The following LRFN5 variants were observed in gnomAD, a reference collection of about 807,000 sequenced individuals.
LRFN5 encodes the protein leucine rich repeat and fibronectin type III domain containing 5, also known as leucine-rich repeat and fibronectin type-III domain-containing protein 5.
A neutral mutation model predicts 45.6 loss-of-function variants in LRFN5; 24 were observed. The ratio of observed to expected loss-of-function variants is 0.53; its 90% confidence interval spans 0.38 to 0.74. The LOEUF is 0.74. Ranked by LOEUF, LRFN5 falls within the 30% of genes least tolerant of loss-of-function variation. LRFN5 has a pLI of 0.00. For synonymous variants in LRFN5, 340 were observed against 313.8 expected, an observed-to-expected ratio of 1.08 and a Z score of -0.88; for missense variants, 776 against 861.5, an observed-to-expected ratio of 0.90 and a Z score of 1.24.
intron 1 of LRFN5, among the ~76,000 whole-genome samples, chr14:41,631,167 G>A (rs1308260292): frequency 1.3e-5 from 2 of 152,122 alleles, no homozygotes; most frequent in Non-Finnish European, 2.9e-5. Flanking sequence ...ATATAATCCA[G>A]CTCTAATCTC....
intron 2 of LRFN5, among the ~76,000 whole-genome samples, chr14:41,818,098 A>G (rs1887982867): frequency 6.6e-6 from 1 of 152,074 alleles, no homozygotes; most frequent in South Asian, 2.1e-4. Context: ...TTAAATTATT[A>G]CTTATATACT....
intron 1 of LRFN5, among the ~76,000 whole-genome samples, chr14:41,698,498 G>A (rs1018366849): frequency 2.0e-5 from 3 of 151,732 alleles, no homozygotes; most frequent in Non-Finnish European, 2.9e-5. Flanking sequence ...CATTGCCTGG[G>A]CCATACCCTA....
intron 1 of LRFN5, among the ~76,000 whole-genome samples, chr14:41,678,090 A>G (rs1881717144): frequency 6.6e-6 from 1 of 152,076 alleles, no homozygotes; most frequent in South Asian, 2.1e-4. Flanking sequence ...GTGAAAAGAG[A>G]AAGGATGGAA....
chr14:41,884,256 T>G (rs1173776994), intron 2 of LRFN5, among the ~76,000 whole-genome samples: 1 of 152,268 alleles, frequency 6.6e-6, no homozygotes, highest in Non-Finnish European at 1.5e-5. Context: ...TCTGTATTTA[T>G]TCACTTCCAA....
chr14:41,730,798 G>A (rs1884139533), intron 1 of LRFN5, among the ~76,000 whole-genome samples: 1 of 151,504 alleles, frequency 6.6e-6, no homozygotes. Flanking sequence ...CCACCAAAAT[G>A]GTATGGTTTT....
intron 1 of LRFN5, among the ~76,000 whole-genome samples, chr14:41,717,873 G>A (rs1362265621): frequency 2.0e-5 from 3 of 152,098 alleles, no homozygotes; most frequent in South Asian, 2.1e-4. Context: ...AAGGGTGGTA[G>A]GCCAAAAGTT....
intron 1 of LRFN5, among the ~76,000 whole-genome samples, chr14:41,650,771 G>T (rs1880073924): frequency 6.6e-6 from 1 of 151,984 alleles, no homozygotes; most frequent in Non-Finnish European, 1.5e-5. Flanking sequence ...ATTAGAATGT[G>T]GTGTAGCCAT....
chr14:41,758,115 T>C (rs566559504), intron 1 of LRFN5, among the ~76,000 whole-genome samples: 15 of 152,294 alleles, frequency 9.8e-5, no homozygotes, highest in African/African-American at 3.6e-4. Context: ...TTTCTCAAGC[T>C]AAAATTTCCA....
At chr14:41,730,695 A>G (rs1322729868) in intron 1 of LRFN5, among the ~76,000 whole-genome samples, 1 of 151,800 alleles carries the variant, frequency 6.6e-6, no homozygotes, top group African/African-American at 2.4e-5. Context: ...TCTGTTTTAG[A>G]GCCTTGGTTC....
At chr14:41,715,932 G>A (rs1318892328) in intron 1 of LRFN5, among the ~76,000 whole-genome samples, 2 of 151,882 alleles carry the variant, frequency 1.3e-5, no homozygotes, top group Non-Finnish European at 2.9e-5. Context: ...CTTCTCCCTG[G>A]GCATTCAGGC....
intron 1 of LRFN5, among the ~76,000 whole-genome samples, chr14:41,698,450 T>A (rs1380738091): frequency 1.3e-5 from 2 of 152,074 alleles, no homozygotes; most frequent in Non-Finnish European, 2.9e-5. Context: ...TCTACCTTAT[T>A]TGCATATTAG....
At chr14:41,872,142 C>T (rs911327136) in intron 2 of LRFN5, among the ~76,000 whole-genome samples, 1 of 152,156 alleles carries the variant, frequency 6.6e-6, no homozygotes, top group Non-Finnish European at 1.5e-5. Flanking sequence ...CTTTAATCAT[C>T]ATATAATATT....
At chr14:41,886,418 C>CAATG (rs1890573098) in intron 2 of LRFN5, among the ~76,000 whole-genome samples, 188 bp from the exon 3 acceptor site, 1 of 152,144 alleles carries the variant, frequency 6.6e-6, no homozygotes, top group South Asian at 2.1e-4. Flanking sequence ...ATGAAACTAT[C>CAATG]AATGGTATGT....
chr14:41,673,625 ACC>A (rs1179048454), intron 1 of LRFN5, among the ~76,000 whole-genome samples: 1 of 100,086 alleles, frequency 1.0e-5, no homozygotes, highest in Non-Finnish European at 2.0e-5. Flanking sequence ...CAGGGGACTG[ACC>A]CCCCCACCTC....
chr14:41,897,530 A>G (rs1385378625), intron 4 of LRFN5, among the ~76,000 whole-genome samples: 1 of 152,140 alleles, frequency 6.6e-6, no homozygotes, highest in African/African-American at 2.4e-5. Flanking sequence ...TTATACTCAT[A>G]ACATTAACCA....
chr14:41,623,346 G>C (rs1054198064), intron 1 of LRFN5, among the ~76,000 whole-genome samples: 1 of 152,056 alleles, frequency 6.6e-6, no homozygotes, highest in Non-Finnish European at 1.5e-5. Flanking sequence ...ATGATGGTAA[G>C]TTTCCCGAGG....
chr14:41,813,184 A>G (rs929188437), intron 2 of LRFN5, among the ~76,000 whole-genome samples: 1 of 152,066 alleles, frequency 6.6e-6, no homozygotes, highest in African/African-American at 2.4e-5. Flanking sequence ...TACATTAACA[A>G]TTTCATCCCT....
At chr14:41,723,857 T>G (rs1046406081) in intron 1 of LRFN5, among the ~76,000 whole-genome samples, 3 of 152,176 alleles carry the variant, frequency 2.0e-5, no homozygotes, top group African/African-American at 7.2e-5. Flanking sequence ...TAATGCCATG[T>G]CACCAAAGAA....
At chr14:41,703,808 G>A (rs905788654) in intron 1 of LRFN5, among the ~76,000 whole-genome samples, 3 of 152,056 alleles carry the variant, frequency 2.0e-5, no homozygotes, top group Non-Finnish European at 2.9e-5. Flanking sequence ...CAGCATTATT[G>A]TAACAATTTT....
Sources: allele counts gnomAD v4.1 joint callset (sites outside exome capture counted in the v4.1 genomes callset), GRCh38; gene constraint gnomAD v4.1.1; transcripts MANE v1.5; gene names NCBI Gene and HGNC (gene_info 2026-07-23, HGNC 2026-07-21).